FANCA: variants seen among roughly 807,000 people sequenced by gnomAD.
FANCA encodes the protein Fanconi anemia group A protein.
In FANCA, 236 loss-of-function variants were observed where a neutral mutation model predicts 194.3. That is an observed-to-expected ratio of 1.21 (90% CI 1.09 to 1.35). The LOEUF (loss-of-function observed/expected upper bound fraction) is 1.35, where lower values mean the gene tolerates loss of function less well. Ranked by LOEUF, FANCA falls within the 40% of genes most tolerant of loss-of-function variation. The pLI is 0.00. For synonymous variants in FANCA, 1,014 were observed against 715.8 expected, an observed-to-expected ratio of 1.42 and a Z score of -6.65; for missense variants, 2,628 against 1,813.9, an observed-to-expected ratio of 1.45 and a Z score of -8.15.
chr16:89,806,347 C>CTT lies in FANCA; in HGVS notation c.597-957_597-956dup, dbSNP rs34862478. ...TGCAGCATTCAACTTCTATATCATT[C>CTT]TTTTTTTTTTTTTTTTTTTTAATTG... On this transcript the variant is annotated intron_variant, in intron 6 of 42. Coordinates refer to ENST00000389301, the MANE Select transcript of FANCA (RefSeq NM_000135.4). 7.9e-3 allele frequency among the ~76,000 whole-genome samples: 874 copies of CTT among 110,410 alleles called. 18 individuals carry two copies. Among genetic ancestry groups the CTT allele is most frequent in the African/African-American group, 0.028 (783 of 27,546 alleles). 72.4% of individuals were successfully genotyped at this position (110,410 alleles called of 152,430 possible). A position where few individuals can be genotyped will look rare whatever the true frequency, so the allele number is the denominator to read the frequency against.
Position 89,764,880 on chromosome 16 carries a change from G to T in FANCA, c.2778+10C>A. ...CGTGGCATGATGCAGGAGAAGGAACGGTCACCTACGTGAACATCTTCCTCT... is the reference window on the plus strand; with the variant it reads ...CGTGGCATGATGCAGGAGAAGGAACTGTCACCTACGTGAACATCTTCCTCT... On this transcript the variant is annotated intron_variant, in intron 28 of 42. Coordinates refer to ENST00000389301, the MANE Select transcript of FANCA (RefSeq NM_000135.4). The T allele has an allele frequency of 6.2e-7, 1 of 1,613,504 alleles. No homozygotes were observed. Among genetic ancestry groups the T allele is most frequent in the Non-Finnish European group, 8.5e-7 (1 of 1,179,632 alleles).
At chr16:89,794,751 G>C (rs551668492) in intron 11 of FANCA, among the ~76,000 whole-genome samples, 2 of 152,222 alleles carry the variant, frequency 1.3e-5, no homozygotes, top group South Asian at 4.2e-4. Context: ...AAAGCTCAAA[G>C]TGTTCATCGT....
Position 89,737,908 on chromosome 16 carries a change from A to T in FANCA, c.*693T>A. 2 of 1,590,884 alleles carry T rather than the reference A, an allele frequency of 1.3e-6. No individual in the cohort carries two copies. ...CATTCGGGAGCCAAGCCTTTGCAGT[A>T]AGTGTGAGTCAGGACCCCCTCCCAG... On this transcript the variant is annotated 3_prime_UTR_variant, in exon 43 of 43. Transcript: ENST00000389301.
At chr16:89,759,914 T>C (rs1240118102) in intron 29 of FANCA, among the ~76,000 whole-genome samples, 1 of 151,932 alleles carries the variant, frequency 6.6e-6, no homozygotes, top group Non-Finnish European at 1.5e-5. Flanking sequence ...ACTGGGGTGC[T>C]CCACCCACGC....
intron 31 of FANCA, among the ~76,000 whole-genome samples, chr16:89,751,134 C>T (rs1360697053): frequency 6.6e-6 from 1 of 152,166 alleles, no homozygotes. Flanking sequence ...CTCAAGTGAT[C>T]TAGCCACCTC....
At chr16:89,739,603 A>T (rs1168461594) in intron 39 of FANCA, 50 bp from the exon 40 acceptor site, 2 of 1,540,842 alleles carry the variant, frequency 1.3e-6, no homozygotes, top group Middle Eastern at 1.7e-4. Context: ...TCTGCCTATT[A>T]TCAGTGCTGG....
intron 30 of FANCA, among the ~76,000 whole-genome samples, chr16:89,756,935 G>C (rs191146327): frequency 1.9e-4 from 29 of 152,324 alleles, no homozygotes; most frequent in Admixed American, 1.4e-3. Flanking sequence ...CTCAGGGAAA[G>C]GCAAGAATGC....
In FANCA at chr16:89,808,329, T is replaced by C. The variant is rs1050053060; in HGVS notation, c.561A>G (p.Val187=). 3 of 1,614,166 alleles carry C rather than the reference T, an allele frequency of 1.9e-6. No homozygotes were observed. Residue 187 remains valine (V), a synonymous_variant, in exon 6 of 43, where the codon GTA becomes GTG. Coordinates refer to ENST00000389301, the MANE Select transcript of FANCA (RefSeq NM_000135.4). ...GCTCTTGCAGGCTCACAATGCCTTG[T>C]ACGTGAAGATGCCACACCGCTTCAA... The part of the protein sequence containing the change: ...LLLEAVWHLH[V]QGIVSLQELL...
intron 30 of FANCA, among the ~76,000 whole-genome samples, chr16:89,757,241 T>G (rs1311269994): frequency 6.6e-6 from 1 of 152,120 alleles, no homozygotes; most frequent in East Asian, 1.9e-4. Context: ...ATTCCAGGCA[T>G]GAGCCACTGC....
intron 14 of FANCA, among the ~76,000 whole-genome samples, chr16:89,785,445 C>T (rs1321249351): frequency 6.6e-6 from 1 of 152,170 alleles, no homozygotes; most frequent in Non-Finnish European, 1.5e-5. Flanking sequence ...CACCAGTGGA[C>T]AGATCACTGC....
chr16:89,798,872 C>A (rs978470106), intron 10 of FANCA: 17 of 1,559,438 alleles, frequency 1.1e-5, no homozygotes, highest in African/African-American at 5.4e-5. Context: ...AGACTCCACA[C>A]AGGAGGAGGT....
At chr16:89,776,190 C>T (rs537129388) in intron 20 of FANCA, among the ~76,000 whole-genome samples, 5 of 103,098 alleles carry the variant, frequency 4.8e-5, no homozygotes, top group African/African-American at 1.8e-4. Context: ...TTTTTTGAGA[C>T]AGAGTCTCCC....
Position 89,766,991 on chromosome 16 carries a change from C to G in FANCA, c.2601+150G>C. ...GAGGTGGCCATGACAGCCAGCCTGA[C>G]TCAGGAGCTGCCCCATGACAGCCAG... is the stretch of plus-strand genomic sequence containing the variant. On this transcript the variant is annotated intron_variant, in intron 27 of 42. Coordinates refer to ENST00000389301, the MANE Select transcript of FANCA (RefSeq NM_000135.4). 4.2e-6 allele frequency: 3 copies of G among 719,694 alleles called. No homozygotes were observed. In the South Asian group the frequency reaches 4.4e-5, roughly 11 times the overall value. The allele number at this position is 719,694 out of a possible 1,614,324, so 44.6% of individuals were successfully genotyped here.
chr16:89,775,265 A>G (rs1054836124), intron 21 of FANCA, among the ~76,000 whole-genome samples: 4 of 152,248 alleles, frequency 2.6e-5, no homozygotes, highest in Admixed American at 1.3e-4. Flanking sequence ...CGGATTCCCA[A>G]TGAGGGCGTA....
chr16:89,783,917 A>G (rs1412586299), intron 15 of FANCA, among the ~76,000 whole-genome samples: 1 of 151,728 alleles, frequency 6.6e-6, no homozygotes, highest in Admixed American at 6.6e-5. Flanking sequence ...GCGCGCTACC[A>G]CGCCCGGCTA....
chr16:89,756,351 C>T (rs2038766848), intron 30 of FANCA, among the ~76,000 whole-genome samples: 1 of 152,214 alleles, frequency 6.6e-6, no homozygotes, highest in South Asian at 2.1e-4. Flanking sequence ...TCAAGTCAGG[C>T]CTGGCAGAGG....
At chr16:89,750,175 AACT>A (rs1250767878) in intron 31 of FANCA, among the ~76,000 whole-genome samples, 1 of 152,048 alleles carries the variant, frequency 6.6e-6, no homozygotes, top group African/African-American at 2.4e-5. Context: ...ACTACTTATC[AACT>A]ACTTATCAAT....
At chr16:89,798,940 A>G in intron 10 of FANCA, 1 of 1,609,384 alleles carries the variant, frequency 6.2e-7, no homozygotes, top group South Asian at 1.1e-5. Flanking sequence ...AGGATACTGC[A>G]GTGGGCGCAC....
intron 14 of FANCA, among the ~76,000 whole-genome samples, chr16:89,790,869 A>T (rs1191719924): frequency 1.3e-5 from 2 of 151,798 alleles, no homozygotes; most frequent in African/African-American, 4.8e-5. Flanking sequence ...TCCTTCTGTC[A>T]CCCAGGCTGG....
Sources: gnomAD v4.1 joint callset for allele counts (sites outside exome capture counted in the v4.1 genomes callset) on GRCh38, gnomAD v4.1.1 for gene constraint, MANE v1.5 for transcripts, NCBI Gene and HGNC (gene_info 2026-07-23, HGNC 2026-07-21) for gene names.